The following OR9Q1 variants were observed in gnomAD, a reference collection of about 807,000 sequenced individuals.
OR9Q1 encodes olfactory receptor 9Q1.
For synonymous variants in OR9Q1, 153 were observed against 148.6 expected, an observed-to-expected ratio of 1.03 and a Z score of -0.22; for missense variants, 374 against 378.8, an observed-to-expected ratio of 0.99 and a Z score of 0.11.
chr11:58,046,706 A>G (rs935285370), intron 1 of OR9Q1, among the ~76,000 whole-genome samples: 1 of 152,122 alleles, frequency 6.6e-6, no homozygotes, highest in African/African-American at 2.4e-5. Flanking sequence ...TACTAAAAAT[A>G]CAAAAAGTTA....
chr11:58,132,034 T>TA (rs1176764143), intron 2 of OR9Q1, among the ~76,000 whole-genome samples: 4 of 152,192 alleles, frequency 2.6e-5, no homozygotes, highest in South Asian at 4.1e-4. Context: ...CTGAGTGTTT[T>TA]ATATGTATCA....
At chr11:58,162,133 G>T (rs765233608) in intron 2 of OR9Q1, among the ~76,000 whole-genome samples, 7 of 151,210 alleles carry the variant, frequency 4.6e-5, no homozygotes, top group Non-Finnish European at 1.0e-4. Flanking sequence ...TCTTGAAGAA[G>T]GTTCCTAACA....
At chr11:58,127,631 GAGA>G in intron 2 of OR9Q1, among the ~76,000 whole-genome samples, 1 of 152,282 alleles carries the variant, frequency 6.6e-6, no homozygotes, top group Middle Eastern at 3.4e-3. Context: ...CAATTCTCCA[GAGA>G]AGGAGAGCTG....
intron 2 of OR9Q1, among the ~76,000 whole-genome samples, chr11:58,151,223 TAA>T (rs1854348529): frequency 1.3e-5 from 2 of 152,186 alleles, no homozygotes; most frequent in Non-Finnish European, 2.9e-5. Context: ...AGATGTCATA[TAA>T]AAAGTCTCAG....
At chr11:58,112,747 G>A (rs912422671) in intron 2 of OR9Q1, among the ~76,000 whole-genome samples, 3 of 152,114 alleles carry the variant, frequency 2.0e-5, no homozygotes, top group African/African-American at 4.8e-5. Context: ...AAGCTTATCC[G>A]TTAGTTTCTG....
At chr11:58,086,338 A>C (rs563646804) in intron 2 of OR9Q1, among the ~76,000 whole-genome samples, 2 of 151,974 alleles carry the variant, frequency 1.3e-5, no homozygotes, top group Non-Finnish European at 2.9e-5. Flanking sequence ...GTTAGAAAAG[A>C]TATTAAAAAG....
chr11:58,127,021 G>A (rs960002862), intron 2 of OR9Q1, among the ~76,000 whole-genome samples: 1 of 152,148 alleles, frequency 6.6e-6, no homozygotes, highest in African/African-American at 2.4e-5. Context: ...CATGATCTTG[G>A]CTCACTGCAA....
At chr11:58,164,527 A>C (rs960830876) in intron 2 of OR9Q1, among the ~76,000 whole-genome samples, 1 of 152,180 alleles carries the variant, frequency 6.6e-6, no homozygotes. Context: ...TCTTCAGGGA[A>C]AGGTGAGATG....
chr11:58,165,946 G>A (rs1854500458), intron 2 of OR9Q1, among the ~76,000 whole-genome samples: 3 of 152,190 alleles, frequency 2.0e-5, no homozygotes, highest in Non-Finnish European at 4.4e-5. Context: ...ATGATAAACT[G>A]CTACCCAGGT....
intron 2 of OR9Q1, among the ~76,000 whole-genome samples, chr11:58,066,605 T>G (rs1853432267): frequency 6.6e-6 from 1 of 152,136 alleles, no homozygotes; most frequent in Admixed American, 6.5e-5. Context: ...GCCCCCATCC[T>G]TGCCTCTAGC....
chr11:58,150,244 G>A (rs1274405140), intron 2 of OR9Q1, among the ~76,000 whole-genome samples: 1 of 151,972 alleles, frequency 6.6e-6, no homozygotes, highest in Admixed American at 6.6e-5. Flanking sequence ...GTTCTTATTG[G>A]CCACTTATGT....
chr11:58,111,990 T>C (rs986473385), intron 2 of OR9Q1, among the ~76,000 whole-genome samples: 2 of 152,136 alleles, frequency 1.3e-5, no homozygotes, highest in African/African-American at 4.8e-5. Context: ...CTCTGAATCA[T>C]AAGATTATAA....
chr11:58,177,596 T>C (rs1854617757), intron 2 of OR9Q1, among the ~76,000 whole-genome samples: 1 of 152,242 alleles, frequency 6.6e-6, no homozygotes, highest in African/African-American at 2.4e-5. Context: ...AACAGCTTTC[T>C]GCTAAGTAAG....
chr11:58,062,724 G>T (rs1425117273), intron 2 of OR9Q1, among the ~76,000 whole-genome samples: 1 of 152,124 alleles, frequency 6.6e-6, no homozygotes, highest in East Asian at 1.9e-4. Context: ...AGGCAATCAA[G>T]ATCTTAAAAA....
At chr11:58,059,687 CAAAAAAAAA>C (rs58893511) in intron 2 of OR9Q1, among the ~76,000 whole-genome samples, 45 of 40,190 alleles carry the variant, frequency 1.1e-3, no homozygotes, top group East Asian at 7.2e-3. Flanking sequence ...GGCTCTGTCT[CAAAAAAAAA>C]AAAAAAAAAA....
intron 2 of OR9Q1, among the ~76,000 whole-genome samples, chr11:58,174,449 G>A (rs929387328): frequency 2.0e-5 from 3 of 151,870 alleles, no homozygotes; most frequent in African/African-American, 7.3e-5. Flanking sequence ...AACCTGGGGT[G>A]CTTATTACAA....
At chr11:58,118,662 T>C (rs775903382) in intron 2 of OR9Q1, 7 of 1,613,900 alleles carry the variant, frequency 4.3e-6, no homozygotes, top group Non-Finnish European at 5.9e-6. Context: ...CTGAGCCACT[T>C]TGCAGATACA....
chr11:58,178,723 G>A (rs1854627687), intron 2 of OR9Q1, among the ~76,000 whole-genome samples: 1 of 151,696 alleles, frequency 6.6e-6, no homozygotes, highest in Non-Finnish European at 1.5e-5. Context: ...TAGCAATAGA[G>A]GTGCGAGAAT....
At chr11:58,109,179 C>T (rs779107161) in intron 2 of OR9Q1, 3 of 487,824 alleles carry the variant, frequency 6.1e-6, no homozygotes, top group Middle Eastern at 3.2e-4. Context: ...TGAAGGTGCA[C>T]GTGGTATGCA....
Sources: allele counts gnomAD v4.1 joint callset (sites outside exome capture counted in the v4.1 genomes callset), GRCh38; gene constraint gnomAD v4.1.1; transcripts MANE v1.5; gene names NCBI Gene and HGNC (gene_info 2026-07-23, HGNC 2026-07-21).